The following PARD3B variants were observed in gnomAD, a reference collection of about 807,000 sequenced individuals.
PARD3B encodes the protein par-3 family cell polarity regulator beta.
In PARD3B, 103 loss-of-function variants were observed where a neutral mutation model predicts 130.2. The ratio of observed to expected loss-of-function variants is 0.79; its 90% confidence interval spans 0.67 to 0.93. The LOEUF (loss-of-function observed/expected upper bound fraction) is 0.93, where lower values mean the gene tolerates loss of function less well. Ranked by LOEUF, PARD3B falls within the 40% of genes least tolerant of loss-of-function variation. PARD3B has a pLI of 0.00. For missense variants in PARD3B, 1,609 were observed against 1,499.2 expected (o/e 1.07, Z -1.21); for synonymous variants, 583 against 553.2 (o/e 1.05, Z -0.76).
At chr2:204,912,519 C>A in intron 2 of PARD3B, among the ~76,000 whole-genome samples, 1 of 152,196 alleles carries the variant, frequency 6.6e-6, no homozygotes, top group East Asian at 1.9e-4. Context: ...ACTTTACTAA[C>A]AGTTTCATCA....
At chr2:205,426,130 C>T (rs764076780) in intron 19 of PARD3B, among the ~76,000 whole-genome samples, 1 of 151,604 alleles carries the variant, frequency 6.6e-6, no homozygotes, top group South Asian at 2.1e-4. Flanking sequence ...TTATAGACAC[C>T]CAGAGAGGAA....
chr2:204,657,949 G>T (rs2160689), intron 1 of PARD3B, among the ~76,000 whole-genome samples: 101,504 of 152,020 alleles, frequency 0.67, 37,314 homozygotes, highest in South Asian at 0.81. Flanking sequence ...TATAGTTTAT[G>T]GGTGTTCAAG....
chr2:204,988,138 G>A (rs1693336318), intron 3 of PARD3B, among the ~76,000 whole-genome samples: 2 of 152,050 alleles, frequency 1.3e-5, no homozygotes, highest in East Asian at 3.9e-4. Context: ...AGGAGATGAA[G>A]TTATGGTCAA....
intron 15 of PARD3B, among the ~76,000 whole-genome samples, chr2:205,228,755 G>A (rs566528765): frequency 6.6e-6 from 1 of 152,068 alleles, no homozygotes; most frequent in South Asian, 2.1e-4. Flanking sequence ...TTGCTCTTTT[G>A]AGGCTGTTTT....
chr2:204,888,707 G>T (rs2046345482), intron 2 of PARD3B, among the ~76,000 whole-genome samples: 1 of 147,330 alleles, frequency 6.8e-6, no homozygotes, highest in Non-Finnish European at 1.5e-5. Context: ...CTCCAGCCTG[G>T]GCAACAGAAT....
chr2:205,599,954 G>A (rs1483666782), intron 22 of PARD3B, among the ~76,000 whole-genome samples: 1 of 152,180 alleles, frequency 6.6e-6, no homozygotes, highest in Non-Finnish European at 1.5e-5. Flanking sequence ...CCGAGAGTGT[G>A]ATGTCCTCAA....
intron 22 of PARD3B, among the ~76,000 whole-genome samples, chr2:205,569,290 A>T (rs1422501631): frequency 6.6e-6 from 1 of 152,018 alleles, no homozygotes; most frequent in Non-Finnish European, 1.5e-5. Context: ...TAACACTTTG[A>T]CATATTTAAA....
intron 3 of PARD3B, among the ~76,000 whole-genome samples, chr2:205,042,489 G>T (rs1375248338): frequency 1.3e-5 from 2 of 151,960 alleles, no homozygotes; most frequent in African/African-American, 2.4e-5. Flanking sequence ...TGCTTATCCT[G>T]ATATGGCAAG....
chr2:205,095,822 A>G (rs1235798270), intron 4 of PARD3B, among the ~76,000 whole-genome samples: 1 of 152,166 alleles, frequency 6.6e-6, no homozygotes, highest in Non-Finnish European at 1.5e-5. Context: ...ACTTTATTAT[A>G]AAAATTTCAC....
At chr2:205,050,368 G>A (rs1044440222) in intron 4 of PARD3B, among the ~76,000 whole-genome samples, 3 of 151,714 alleles carry the variant, frequency 2.0e-5, no homozygotes, top group African/African-American at 7.3e-5. Flanking sequence ...AGACACTTAG[G>A]TGTGTTTATT....
intron 2 of PARD3B, among the ~76,000 whole-genome samples, chr2:204,764,979 G>C (rs2041081282): frequency 6.6e-6 from 1 of 151,958 alleles, no homozygotes; most frequent in Non-Finnish European, 1.5e-5. Context: ...TGAGACTTTA[G>C]AGAAGGGAAG....
chr2:205,107,770 A>G (rs1169202233), intron 5 of PARD3B, among the ~76,000 whole-genome samples: 1 of 152,208 alleles, frequency 6.6e-6, no homozygotes, highest in African/African-American at 2.4e-5. Context: ...ACATTCTCCA[A>G]ATAGTTTTAC....
intron 1 of PARD3B, among the ~76,000 whole-genome samples, chr2:204,627,980 T>C (rs2034544784): frequency 1.1e-5 from 1 of 92,182 alleles, no homozygotes; most frequent in Admixed American, 1.4e-4. Context: ...TATGAGTTTT[T>C]TTGCGTTTTT....
At position 205,159,971 on chromosome 2, in the gene PARD3B, A is replaced by G. The variant is rs139409379; in HGVS notation, c.1620+1064A>G. On this transcript the variant is annotated intron_variant, in intron 11 of 22. Transcript: ENST00000406610. ...AATAATCGTGATATGAATAATGTCT[A>G]TCCTCTCCCACAGCAAAGCCAAGAA... Among the ~76,000 whole-genome samples, 862 of 152,312 alleles carry G rather than the reference A, an allele frequency of 5.7e-3. 8 individuals are homozygous for G. The highest frequency in any genetic ancestry group is 0.019 in the African/African-American group (808 of 41,570).
chr2:204,790,410 C>T (rs1309754803), intron 2 of PARD3B, among the ~76,000 whole-genome samples: 1 of 152,168 alleles, frequency 6.6e-6, no homozygotes, highest in Non-Finnish European at 1.5e-5. Flanking sequence ...TTTTGATAAA[C>T]CAGCAAAATC....
rs1388895975 is a variant in PARD3B at position 205,301,968 on chromosome 2, A to G, written c.2630+267A>G. ...CACGGTGGCTCATGCCTGTAATCTC[A>G]GTACTTTGGGAGGCTGGGAGGATTG... On this transcript the variant is annotated intron_variant, in intron 18 of 22. Coordinates refer to ENST00000406610, the MANE Select transcript of PARD3B (RefSeq NM_001302769.2). The surrounding 1 kb of genome is among the most constrained non-coding windows in gnomAD (Gnocchi z 5.2). 1.6e-5 allele frequency: 11 copies of G among 696,500 alleles called. No individual in the cohort carries two copies. The African/African-American group carries it at 1.9e-4, about 12-fold the overall frequency. 43.1% of individuals were successfully genotyped at this position (696,500 alleles called of 1,614,324 possible).
At chr2:205,580,620 AG>A (rs2053928591) in intron 22 of PARD3B, among the ~76,000 whole-genome samples, 3 of 152,254 alleles carry the variant, frequency 2.0e-5, no homozygotes, top group African/African-American at 7.2e-5. Context: ...GCCTTAAAAA[AG>A]GTGGCTTTGT....
At chr2:205,603,393 C>T (rs189379008) in intron 22 of PARD3B, among the ~76,000 whole-genome samples, 2 of 152,214 alleles carry the variant, frequency 1.3e-5, no homozygotes, top group African/African-American at 2.4e-5. Context: ...AAGTTCGAGT[C>T]CTGAATATCC....
chr2:204,993,928 C>T (rs1317045981), intron 3 of PARD3B, among the ~76,000 whole-genome samples: 3 of 151,680 alleles, frequency 2.0e-5, no homozygotes, highest in Non-Finnish European at 3.0e-5. Context: ...TGGTGATATC[C>T]CCTTTATCAT....
Sources: gnomAD v4.1 joint callset for allele counts (sites outside exome capture counted in the v4.1 genomes callset) on GRCh38, gnomAD v4.1.1 for gene constraint, Gnocchi (gnomAD v3.1) non-coding constraint, MANE v1.5 for transcripts, NCBI Gene and HGNC (gene_info 2026-07-23, HGNC 2026-07-21) for gene names.